PKN3: variants seen among roughly 807,000 people sequenced by gnomAD.
The protein encoded by PKN3 is serine/threonine-protein kinase N3.
PKN3 carries 91 observed loss-of-function variants against 113.1 expected under a neutral mutation model. The ratio of observed to expected loss-of-function variants is 0.80; its 90% confidence interval spans 0.68 to 0.96. PKN3 has a LOEUF of 0.96. Among genes scored for constraint, PKN3 ranks in the 40% least tolerant of loss-of-function variants. The pLI, the probability that PKN3 is intolerant of heterozygous loss-of-function variation, is 0.00. For synonymous variants in PKN3, 467 were observed against 499.0 expected (o/e 0.94, Z 0.85); for missense variants, 1,052 against 1,202.2 (o/e 0.88, Z 1.85).
Position 128,705,761 on chromosome 9 carries a change from G to A in PKN3, c.293G>A (p.Trp98Ter), listed in dbSNP as rs1384079895. ...CCTGTGGCCTCAGGACCCCGGCCGT[G>A]GGCAGAGCAGCTCAGGGCTCGGCAC... ...AEPVASGPRPWAEQLRARHLE... is the reference protein window; with the variant it reads ...AEPVASGPRP Residue 98 changes from tryptophan (W) to a stop codon, truncating the protein, a stop_gained, in exon 3 of 22, where the codon TGG (tryptophan) becomes TAG (stop). Transcript: ENST00000291906. LOFTEE classifies it high-confidence loss of function. 4.4e-6 allele frequency: 7 copies of A among 1,607,990 alleles called. No individual in the cohort carries two copies. Among genetic ancestry groups the A allele is most frequent in the Non-Finnish European group, 5.9e-6 (7 of 1,177,458 alleles).
In PKN3 at chr9:128,710,556, A is replaced by G. The variant is rs190704511; in HGVS notation, c.836-2496A>G. On this transcript the variant is annotated intron_variant, in intron 6 of 21. Transcript: ENST00000291906. ...GCCCAGACTGGAGTGCAGTGGTGCGATATCAGCTCACTGCAACCTCCGCCT... is the reference window on the plus strand; with the variant it reads ...GCCCAGACTGGAGTGCAGTGGTGCGGTATCAGCTCACTGCAACCTCCGCCT... Among the ~76,000 whole-genome samples the G allele has an allele frequency of 1.3e-4, 20 of 151,992 alleles. No homozygotes were observed. The East Asian group carries it at 3.7e-3, about 28-fold the overall frequency.
At chr9:128,705,914 G>C in intron 3 of PKN3, 35 bp downstream of exon 3, 2 of 1,541,220 alleles carry the variant, frequency 1.3e-6, no homozygotes, top group Non-Finnish European at 1.8e-6. Flanking sequence ...GGAGCACCCT[G>C]GCCCCTGGTC....
Position 128,715,858 on chromosome 9 carries a change from C to G in PKN3, c.1808+398C>G, listed in dbSNP as rs1862322290. 1.3e-5 allele frequency among the ~76,000 whole-genome samples: 2 copies of G among 152,022 alleles called. No individual in the cohort carries two copies. The highest frequency in any genetic ancestry group is 2.9e-5 in the Non-Finnish European group (2 of 68,002). ...GTGAAACCCCATCTATAAAAAATAG[C>G]CAGACATGGTGGCATGTGCCTTTAG... On this transcript the variant is annotated intron_variant, in intron 15 of 21. Coordinates refer to ENST00000291906, the MANE Select transcript of PKN3 (RefSeq NM_013355.5). The surrounding 1 kb of genome is among the most constrained non-coding windows in gnomAD (Gnocchi z 4.1).
intron 5 of PKN3, 81 bp downstream of exon 5, chr9:128,707,104 C>T (rs1173730985): frequency 7.5e-6 from 12 of 1,594,702 alleles, no homozygotes; most frequent in Admixed American, 3.4e-5. Context: ...GGAGGGTGGC[C>T]GTGTAAAAGC....
chr9:128,705,625 G>C, intron 2 of PKN3, 82 bp downstream of exon 2: 1 of 1,541,550 alleles, frequency 6.5e-7, no homozygotes, highest in South Asian at 1.2e-5. Flanking sequence ...CCACTGTGGC[G>C]AGACCACCTC....
At position 128,705,755 on chromosome 9, in the gene PKN3, G is replaced by A. The variant is rs371312873; in HGVS notation, c.287G>A (p.Arg96Gln). 2.6e-5 allele frequency: 41 copies of A among 1,607,088 alleles called. 1 individual carries two copies. In the South Asian group the frequency reaches 3.2e-4, roughly 13 times the overall value. The change falls in exon 3 of 22, where the codon CGG becomes CAG. Residue 96 changes from arginine to glutamine, a missense_variant. By Grantham distance (43) the Arg-to-Gln change is conservative. Coordinates refer to ENST00000291906, the MANE Select transcript of PKN3 (RefSeq NM_013355.5). ...ACAGAGCCTGTGGCCTCAGGACCCC[G>A]GCCGTGGGCAGAGCAGCTCAGGGCT... The part of the protein sequence containing the change: ...GPAEPVASGP[R>Q]PWAEQLRARH...
chr9:128,703,528 G>C, intron 1 of PKN3: 1 of 985,456 alleles, frequency 1.0e-6, no homozygotes, highest in South Asian at 4.7e-5. Context: ...GCTGGCAGTA[G>C]GTGCGCGTGG....
chr9:128,714,183 C>T lies in PKN3; in HGVS notation c.1313-14C>T, dbSNP rs1307965032. 1 of 1,614,020 alleles carries T rather than the reference C, an allele frequency of 6.2e-7. No homozygotes were observed. The highest frequency in any genetic ancestry group is 8.5e-7 in the Non-Finnish European group (1 of 1,179,956). On this transcript the variant is annotated splice_polypyrimidine_tract_variant and intron_variant, in intron 10 of 21. Coordinates refer to ENST00000291906, the MANE Select transcript of PKN3 (RefSeq NM_013355.5). ...GGCTGGGGTCCCGGGACTAAGCTCC[C>T]CCTTTTCTCCCAGGCCAGGACTTCC...
At chr9:128,703,486 AGAATGCG>A in intron 1 of PKN3, 1 of 985,318 alleles carries the variant, frequency 1.0e-6, no homozygotes, top group Non-Finnish European at 1.2e-6. Context: ...AGCGGGTTCT[AGAATGCG>A]GAGGGGGCTG....
In PKN3 at chr9:128,719,978, C is replaced by T. The variant is rs371196430; in HGVS notation, c.2337C>T (p.Pro779=). The change falls in exon 20 of 22, where the codon CCC becomes CCT. Residue 779 remains proline, a synonymous_variant. Transcript: ENST00000291906. ...DCIVNMDAPY[P]GFLSVQGLEF... is the part of the protein sequence containing the mutation. ...TCGTCAACATGGACGCCCCCTACCC[C>T]GGCTTTCTGTCGGTGCAAGGGCTTG... The T allele has an allele frequency of 1.5e-5, 25 of 1,614,000 alleles. No individual in the cohort carries two copies. The highest frequency in any genetic ancestry group is 5.0e-5 in the Admixed American group (3 of 60,006).
Position 128,720,067 on chromosome 9 carries a change from T to A in PKN3, c.2376+50T>A, listed in dbSNP as rs1168163837. The A allele has an allele frequency of 1.3e-6, 2 of 1,549,454 alleles. No individual in the cohort carries two copies. The highest frequency in any genetic ancestry group is 1.8e-6 in the Non-Finnish European group (2 of 1,121,530). Reference sequence around the variant, plus strand: ...GGGCTGGATGGCCGCTCAAGGCCCATGTGCCCTCTGCCGTGGGACAGCAGA... The same window carrying A: ...GGGCTGGATGGCCGCTCAAGGCCCAAGTGCCCTCTGCCGTGGGACAGCAGA... On this transcript the variant is annotated intron_variant, in intron 20 of 21. Coordinates refer to ENST00000291906, the MANE Select transcript of PKN3 (RefSeq NM_013355.5). This position sits in a 1 kb window ranked among gnomAD's most constrained non-coding sequence, Gnocchi z 5.5.
rs764550785 is a variant in PKN3 at position 128,718,638 on chromosome 9, C to T, written c.2125+13C>T. Reference sequence around the variant, plus strand: ...CTCTGCAAGGAAGGTGGGGGCCGCCCATTGGGATCCATATCTCCAGCCTTG... The same window carrying T: ...CTCTGCAAGGAAGGTGGGGGCCGCCTATTGGGATCCATATCTCCAGCCTTG... On this transcript the variant is annotated intron_variant, in intron 18 of 21. Coordinates refer to ENST00000291906, the MANE Select transcript of PKN3 (RefSeq NM_013355.5). 21 of 1,612,302 alleles carry T rather than the reference C, an allele frequency of 1.3e-5. No individual in the cohort carries two copies. In the South Asian group the frequency reaches 2.3e-4, roughly 18 times the overall value.
chr9:128,718,953 T>G (rs368985981), intron 18 of PKN3, among the ~76,000 whole-genome samples: 1 of 145,456 alleles, frequency 6.9e-6, no homozygotes, highest in African/African-American at 2.5e-5. Flanking sequence ...TGCAATGCAG[T>G]GGTGCAGTCT....
rs1861888139 is a variant in PKN3, at chr9:128,702,657, C to G, written c.-259C>G. On this transcript the variant is annotated 5_prime_UTR_variant, in exon 1 of 22. Coordinates refer to ENST00000291906, the MANE Select transcript of PKN3 (RefSeq NM_013355.5). ...AGGCGCCGAAGCCCGGGTACTGGGC[C>G]CAGAATCCCGCGGAATTTTGGATCC... The G allele has an allele frequency of 1.1e-5, 5 of 442,356 alleles. No individual in the cohort carries two copies. In the South Asian group the frequency reaches 2.1e-4, roughly 19 times the overall value. 27.4% of individuals were successfully genotyped at this position (442,356 alleles called of 1,614,324 possible). A position where few individuals can be genotyped will look rare whatever the true frequency, so the allele number is the denominator to read the frequency against.
In PKN3 at chr9:128,720,418, G is replaced by T; in HGVS notation, c.2482G>T (p.Ala828Ser). 1 of 1,613,152 alleles carries T rather than the reference G, an allele frequency of 6.2e-7. No individual in the cohort carries two copies. Among genetic ancestry groups the T allele is most frequent in the Non-Finnish European group, 8.5e-7 (1 of 1,179,988 alleles). Residue 828 changes from alanine to serine, a missense_variant, in exon 22 of 22, where the codon GCC (alanine) becomes TCC (serine). Physicochemically the swap from Ala to Ser is moderately conservative, Grantham distance 99. Coordinates refer to ENST00000291906, the MANE Select transcript of PKN3 (RefSeq NM_013355.5). The surrounding 1 kb of genome is among the most constrained non-coding windows in gnomAD (Gnocchi z 5.5). The part of the protein sequence containing the change: ...FRTTNWQALL[A>S]RTIQPPFVPT... ...GACCACCAACTGGCAAGCCCTGCTC[G>T]CCCGCACCATCCAGCCCCCCTTCGT...
At chr9:128,702,967 C>T in intron 1 of PKN3, 28 bp downstream of exon 1, 1 of 1,383,230 alleles carries the variant, frequency 7.2e-7, no homozygotes, top group South Asian at 1.5e-5. Flanking sequence ...GGCGCGCGGG[C>T]CCGGGGGGTG....
Position 128,707,267 on chromosome 9 carries a change from C to T in PKN3, c.697C>T (p.Arg233Cys), listed in dbSNP as rs752533632. ...GTCCTCTCAGAAACTGGACCTCCTG[C>T]GCCTGGCCTTGGAGCAGCTGCTGGA... ...QESSQKLDLL[R>C]LALEQLLEQL... Residue 233 changes from arginine (R) to cysteine (C), a missense_variant, in exon 6 of 22, where the codon CGC (arginine) becomes TGC (cysteine). Transcript: ENST00000291906. 28 of 1,612,656 alleles carry T rather than the reference C, an allele frequency of 1.7e-5. No homozygotes were observed. The highest frequency in any genetic ancestry group is 3.3e-5 in the South Asian group (3 of 90,966).
chr9:128,719,288 C>G (rs937422806), intron 18 of PKN3, among the ~76,000 whole-genome samples: 2 of 151,884 alleles, frequency 1.3e-5, no homozygotes, highest in Non-Finnish European at 2.9e-5. Context: ...CTCCAAGGTT[C>G]AAGAGATTCT....
chr9:128,717,117 CTTTTTTT>C (rs34182369), intron 16 of PKN3, among the ~76,000 whole-genome samples, 194 bp downstream of exon 16: 52 of 24,380 alleles, frequency 2.1e-3, no homozygotes, highest in East Asian at 9.1e-3. Context: ...CATTAGGTTT[CTTTTTTT>C]TTTTTTTTTT....
Sources: allele counts gnomAD v4.1 joint callset (sites outside exome capture counted in the v4.1 genomes callset), GRCh38; gene constraint gnomAD v4.1.1; non-coding constraint Gnocchi (gnomAD v3.1); transcripts MANE v1.5; gene names NCBI Gene and HGNC (gene_info 2026-07-23, HGNC 2026-07-21).